GRK4: variants seen among roughly 807,000 people sequenced by gnomAD.
GRK4 encodes G protein-coupled receptor kinase 4.
Under a neutral mutation model 77.9 loss-of-function variants are expected in GRK4, and 73 were observed. The observed-to-expected ratio is 0.94, with a 90% CI of 0.78 to 1.14. The LOEUF is 1.14. Ranked by LOEUF, GRK4 falls within the 50% of genes most tolerant of loss-of-function variation. GRK4 has a pLI of 0.00. For missense variants in GRK4, 729 were observed against 700.2 expected, an observed-to-expected ratio of 1.04 and a Z score of -0.46; for synonymous variants, 257 against 254.4, an observed-to-expected ratio of 1.01 and a Z score of -0.10.
intron 1 of GRK4, among the ~76,000 whole-genome samples, chr4:2,973,308 G>A (rs779950897): frequency 2.0e-5 from 3 of 152,090 alleles, no homozygotes; most frequent in African/African-American, 7.2e-5. Flanking sequence ...AATGCCCCCC[G>A]TCTTTGTCCA....
rs146131872 is a variant in GRK4, at chr4:3,003,759, G to A, written c.340-472G>A. On this transcript the variant is annotated intron_variant, in intron 4 of 15. Coordinates refer to ENST00000398052, the MANE Select transcript of GRK4 (RefSeq NM_182982.3). ...GTTTGGTTTGGTTTGGTTTGGAGACGGAGTTTCACTCTTGTTGCCCAGGCT... is the reference window on the plus strand; with the variant it reads ...GTTTGGTTTGGTTTGGTTTGGAGACAGAGTTTCACTCTTGTTGCCCAGGCT... Among the ~76,000 whole-genome samples the A allele has an allele frequency of 1.1e-3, 171 of 151,794 alleles. 1 individual carries two copies. Among genetic ancestry groups the A allele is most frequent in the Admixed American group, 3.5e-3 (53 of 15,254 alleles).
chr4:2,999,766 G>GA (rs1250971763), intron 4 of GRK4, among the ~76,000 whole-genome samples: 2 of 151,910 alleles, frequency 1.3e-5, no homozygotes, highest in Non-Finnish European at 2.9e-5. Context: ...AAGCAACAAA[G>GA]AAAAAATAGA....
chr4:2,984,744 C>G, intron 2 of GRK4, 136 bp downstream of exon 2: 1 of 421,382 alleles, frequency 2.4e-6, no homozygotes, highest in Non-Finnish European at 4.2e-6. Context: ...CATGATTCCT[C>G]TCAGGAAAAA....
In GRK4 at chr4:2,963,854, C is replaced by T. The variant is rs2109332111; in HGVS notation, c.-217C>T. On this transcript the variant is annotated 5_prime_UTR_variant, in exon 1 of 16. Coordinates refer to ENST00000398052, the MANE Select transcript of GRK4 (RefSeq NM_182982.3). ...GTCGGGCTGCCCCCTCCCCTCGCCC[C>T]GACCGCTCCCCTGCTGGTGAGGGCC... 1.7e-6 allele frequency: 1 copy of T among 584,978 alleles called. No homozygotes were observed. The highest frequency in any genetic ancestry group is 3.0e-6 in the Non-Finnish European group (1 of 334,458). The allele number at this position is 584,978 out of a possible 1,614,324, so 36.2% of individuals were successfully genotyped here.
chr4:3,013,271 C>T (rs756987665), intron 7 of GRK4, among the ~76,000 whole-genome samples: 2 of 151,860 alleles, frequency 1.3e-5, no homozygotes, highest in South Asian at 2.1e-4. Flanking sequence ...AGGTTGGTTT[C>T]GAGCTCCTGA....
At position 2,992,043 on chromosome 4, in the gene GRK4, CTT is replaced by C. The variant is rs34577267; in HGVS notation, c.262-157_262-156del. 1.3e-3 allele frequency among the ~76,000 whole-genome samples: 180 copies of C among 143,350 alleles called. 1 individual carries two copies. Among genetic ancestry groups the C allele is most frequent in the African/African-American group, 2.7e-3 (104 of 39,016 alleles). The allele number at this position is 143,350 out of a possible 152,430, so 94.0% of individuals were successfully genotyped here. A position where few individuals can be genotyped will look rare whatever the true frequency, so the allele number is the denominator to read the frequency against. Reference sequence around the variant, plus strand: ...AAACATTGTTGGTGAAGAAGCTTAACTTTTTTTTTTTTTTTTAAGAGATGGGA... The same window carrying C: ...AAACATTGTTGGTGAAGAAGCTTAACTTTTTTTTTTTTTTAAGAGATGGGA... On this transcript the variant is annotated intron_variant, in intron 3 of 15. Coordinates refer to ENST00000398052, the MANE Select transcript of GRK4 (RefSeq NM_182982.3).
intron 8 of GRK4, among the ~76,000 whole-genome samples, chr4:3,015,722 C>G (rs935825250): frequency 1.3e-5 from 2 of 151,546 alleles, no homozygotes; most frequent in South Asian, 2.1e-4. Flanking sequence ...ATATGTCACT[C>G]TCATGTGCAA....
chr4:3,016,941 C>T (rs1734720056), intron 8 of GRK4, among the ~76,000 whole-genome samples: 1 of 152,184 alleles, frequency 6.6e-6, no homozygotes, highest in Admixed American at 6.5e-5. Flanking sequence ...ACATTTTTCT[C>T]CTTCTGTGAT....
At chr4:2,995,406 C>T (rs1254044214) in intron 4 of GRK4, among the ~76,000 whole-genome samples, 7 of 151,476 alleles carry the variant, frequency 4.6e-5, no homozygotes, top group African/African-American at 1.7e-4. Context: ...CTGTGGCTCA[C>T]GCCTGTAATC....
At chr4:3,028,518 G>T (rs143069289) in intron 11 of GRK4, among the ~76,000 whole-genome samples, 1 of 152,180 alleles carries the variant, frequency 6.6e-6, no homozygotes, top group Non-Finnish European at 1.5e-5. Flanking sequence ...CACTTGGGGC[G>T]CCCTGGGCAT....
At chr4:2,968,810 T>A (rs538776782) in intron 1 of GRK4, among the ~76,000 whole-genome samples, 2 of 152,188 alleles carry the variant, frequency 1.3e-5, no homozygotes, top group East Asian at 3.9e-4. Flanking sequence ...GATAATCAGG[T>A]CTCCACGGTC....
chr4:3,031,476 G>T (rs907489595), intron 12 of GRK4, among the ~76,000 whole-genome samples: 3 of 152,206 alleles, frequency 2.0e-5, no homozygotes, highest in Admixed American at 2.0e-4. Context: ...AGCCAGCAGG[G>T]AGCTGCACTC....
intron 1 of GRK4, among the ~76,000 whole-genome samples, chr4:2,979,224 C>CA (rs1285727940): frequency 0.015 from 1,788 of 122,602 alleles, 33 homozygotes; most frequent in African/African-American, 0.045. Flanking sequence ...GACTCCGTCT[C>CA]AAAAAAAAAA....
At chr4:3,000,250 A>G (rs777912538) in intron 4 of GRK4, among the ~76,000 whole-genome samples, 25 of 152,100 alleles carry the variant, frequency 1.6e-4, no homozygotes, top group Non-Finnish European at 3.1e-4. Context: ...CCTCTCTCTC[A>G]TGGATATTAG....
intron 1 of GRK4, chr4:2,965,314 C>A: frequency 1.4e-6 from 1 of 703,056 alleles, no homozygotes; most frequent in Non-Finnish European, 2.6e-6. Context: ...ATCCTCTGTG[C>A]AATCCTCTGT....
At chr4:2,988,097 A>AAAAAAAAAAAAAAAAAAAAAAAAAAT (rs1724961852) in intron 2 of GRK4, among the ~76,000 whole-genome samples, 1 of 149,540 alleles carries the variant, frequency 6.7e-6, no homozygotes, top group African/African-American at 2.5e-5. Context: ...AAAAAAAAAA[A>AAAAAAAAAAAAAAAAAAAAAAAAAAT]AAGAAGTAGA....
At chr4:3,036,066 C>T (rs890698725) in intron 13 of GRK4, among the ~76,000 whole-genome samples, 1 of 152,264 alleles carries the variant, frequency 6.6e-6, no homozygotes, top group African/African-American at 2.4e-5. Flanking sequence ...AGTGATCCTC[C>T]TGCCTTGACC....
chr4:3,037,268 T>G, intron 13 of GRK4, 106 bp from the exon 14 acceptor site: 4 of 1,052,356 alleles, frequency 3.8e-6, no homozygotes, highest in East Asian at 2.5e-5. Flanking sequence ...ACAGGGAGAG[T>G]GGCGGTGTTT....
intron 1 of GRK4, among the ~76,000 whole-genome samples, chr4:2,979,527 A>T (rs1251071282): frequency 6.6e-6 from 1 of 152,108 alleles, no homozygotes; most frequent in Non-Finnish European, 1.5e-5. Context: ...CAGCCTGACC[A>T]ACATGGAGAA....
Sources: allele counts gnomAD v4.1 joint callset (sites outside exome capture counted in the v4.1 genomes callset), GRCh38; gene constraint gnomAD v4.1.1; transcripts MANE v1.5; gene names NCBI Gene and HGNC (gene_info 2026-07-23, HGNC 2026-07-21).